GK: variants seen among roughly 807,000 people sequenced by gnomAD.
The protein encoded by GK is glycerol kinase, also known as ATP:glycerol 3-phosphotransferase.
GK carries 9 observed loss-of-function variants against 56.4 expected under a neutral mutation model. That is an observed-to-expected ratio of 0.16 (90% CI 0.10 to 0.28). The LOEUF is 0.28. GK is among the 10% of genes least tolerant of loss of function. The probability of loss-of-function intolerance (pLI) is 1.00; values close to 1 mark genes in which losing one functional copy is unlikely to be tolerated. For synonymous variants in GK, 104 were observed against 144.1 expected, an observed-to-expected ratio of 0.72 and a Z score of 1.99; for missense variants, 161 against 431.4, an observed-to-expected ratio of 0.37 and a Z score of 5.55.
At chrX:30,703,161 C>T (rs868126570) in intron 11 of GK, among the ~76,000 whole-genome samples, 2 of 111,782 alleles carry the variant, frequency 1.8e-5, no homozygotes, top group African/African-American at 6.5e-5. Flanking sequence ...AACAAAGATA[C>T]GTATGGGGAA....
chrX:30,684,758 A>G (rs1317298677), intron 4 of GK, among the ~76,000 whole-genome samples: 1 of 110,609 alleles, frequency 9.0e-6, no homozygotes, highest in African/African-American at 3.3e-5. Flanking sequence ...TTAGGATATT[A>G]AAGAAAACCA....
chrX:30,701,606 T>C lies in GK; in HGVS notation c.851+701T>C, dbSNP rs181967450. Reference sequence around the variant, plus strand: ...GTCTTTCTCACTAACTGTAAAGTTATATTTTTGTGGGATTTTCAAGGTTAT... The same window carrying C: ...GTCTTTCTCACTAACTGTAAAGTTACATTTTTGTGGGATTTTCAAGGTTAT... On this transcript the variant is annotated intron_variant, in intron 11 of 20. Transcript: ENST00000427190. Among the ~76,000 whole-genome samples, 486 of 112,222 alleles carry C rather than the reference T, an allele frequency of 4.3e-3. 6 individuals are homozygous for C. The highest frequency in any genetic ancestry group is 0.015 in the African/African-American group (454 of 30,935).
chrX:30,671,402 T>A (rs1226714041), intron 3 of GK, among the ~76,000 whole-genome samples: 2 of 111,246 alleles, frequency 1.8e-5, no homozygotes, highest in African/African-American at 6.6e-5. Flanking sequence ...GTTATGTAGC[T>A]TTTTAGTGGT....
At position 30,709,663 on chromosome X, in the gene GK, A is replaced by G. The variant is rs1046493006; in HGVS notation, c.975+1529A>G. Among the ~76,000 whole-genome samples, 9 of 111,384 alleles carry G rather than the reference A, an allele frequency of 8.1e-5. No individual in the cohort carries two copies. In the South Asian group the frequency reaches 3.4e-3, roughly 42 times the overall value. On this transcript the variant is annotated intron_variant, in intron 13 of 20. Coordinates refer to ENST00000427190, the MANE Select transcript of GK (RefSeq NM_001205019.2). Reference sequence around the variant, plus strand: ...GGATGATTTGTGCCTCTCCTACCATAAGCACTACTTTTGCTCCTCTAGCCT... The same window carrying G: ...GGATGATTTGTGCCTCTCCTACCATGAGCACTACTTTTGCTCCTCTAGCCT...
At chrX:30,679,864 G>A (rs919624449) in intron 4 of GK, among the ~76,000 whole-genome samples, 5 of 111,030 alleles carry the variant, frequency 4.5e-5, no homozygotes, top group African/African-American at 9.9e-5. Flanking sequence ...ATCTAGTTTT[G>A]GAAAGAGAAA....
intron 19 of GK, among the ~76,000 whole-genome samples, chrX:30,725,857 C>G (rs2147272974): frequency 9.1e-6 from 1 of 109,843 alleles, no homozygotes; most frequent in Admixed American, 9.7e-5. Flanking sequence ...GTTTCACCAT[C>G]TTGGCCAGGC....
At chrX:30,689,377 T>A (rs1348565733) in intron 4 of GK, 1 of 283,711 alleles carries the variant, frequency 3.5e-6, no homozygotes, top group Non-Finnish European at 6.9e-6. Flanking sequence ...ATGTCACTAA[T>A]GGCTTGTATC....
chrX:30,671,759 T>A (rs1269012482), intron 3 of GK: 1 of 112,207 alleles, frequency 8.9e-6, no homozygotes, highest in Non-Finnish European at 1.9e-5. Flanking sequence ...AGACTGCTTC[T>A]TTCCTTCTAG....
intron 5 of GK, among the ~76,000 whole-genome samples, chrX:30,694,134 T>G (rs1015422065): frequency 8.9e-6 from 1 of 111,933 alleles, no homozygotes; most frequent in African/African-American, 3.3e-5. Flanking sequence ...ATTGTCACTA[T>G]CTAATTACAG....
chrX:30,723,785 C>T, intron 18 of GK: 1 of 280,118 alleles, frequency 3.6e-6, no homozygotes, highest in Admixed American at 5.0e-5. Context: ...TACCACATTG[C>T]TCAAGCTGGT....
intron 4 of GK, among the ~76,000 whole-genome samples, chrX:30,679,111 TC>T (rs1395921711): frequency 9.0e-6 from 1 of 110,945 alleles, no homozygotes; most frequent in African/African-American, 3.3e-5. Context: ...CTTTGATAGA[TC>T]AATGTTAGCT....
intron 4 of GK, among the ~76,000 whole-genome samples, chrX:30,682,542 T>G (rs190127488): frequency 1.3e-4 from 15 of 112,160 alleles, no homozygotes; most frequent in Non-Finnish European, 2.6e-4. Context: ...AACTCTAAAG[T>G]GTCATATCTC....
intron 18 of GK, chrX:30,721,920 G>A (rs1234032451): frequency 8.9e-6 from 1 of 112,318 alleles, no homozygotes; most frequent in East Asian, 2.8e-4. Flanking sequence ...ATTAGAATTG[G>A]TTTTATAACT....
intron 20 of GK, among the ~76,000 whole-genome samples, chrX:30,728,331 G>C (rs1265546118): frequency 1.9e-5 from 1 of 51,453 alleles, no homozygotes; most frequent in Non-Finnish European, 4.2e-5. Flanking sequence ...CCATGAAAGT[G>C]AAACTTAAAA....
In GK at chrX:30,694,090, A is replaced by G. The variant is rs1329188941; in HGVS notation, c.415-310A>G. Among the ~76,000 whole-genome samples, 4 of 111,838 alleles carry G rather than the reference A, an allele frequency of 3.6e-5. No individual in the cohort carries two copies. The East Asian group carries it at 1.1e-3, about 31-fold the overall frequency. On this transcript the variant is annotated intron_variant, in intron 5 of 20. Coordinates refer to ENST00000427190, the MANE Select transcript of GK (RefSeq NM_001205019.2). ...CATAGTTTTGGGCTAGGTTCTACAT[A>G]CAATACTAATTTATTGCAAAAATCA...
At chrX:30,694,010 ACT>A (rs1409594757) in intron 5 of GK, among the ~76,000 whole-genome samples, 5 of 111,446 alleles carry the variant, frequency 4.5e-5, no homozygotes, top group Non-Finnish European at 7.5e-5. Flanking sequence ...GATTTGGTAT[ACT>A]CTCTGGTTTT....
intron 13 of GK, among the ~76,000 whole-genome samples, chrX:30,715,160 C>T (rs1287615243): frequency 8.9e-6 from 1 of 111,886 alleles, no homozygotes; most frequent in East Asian, 2.8e-4. Flanking sequence ...CAATTTTCAC[C>T]CTAATTGCCT....
intron 4 of GK, among the ~76,000 whole-genome samples, chrX:30,680,899 A>G (rs1934245450): frequency 9.0e-6 from 1 of 111,429 alleles, no homozygotes; most frequent in African/African-American, 3.3e-5. Flanking sequence ...AAATAAACCA[A>G]CCCTCACAGG....
intron 3 of GK, among the ~76,000 whole-genome samples, chrX:30,675,851 G>A (rs1178484616): frequency 1.8e-5 from 2 of 109,647 alleles, no homozygotes; most frequent in Non-Finnish European, 3.8e-5. Context: ...GGGCAATGGC[G>A]CAATCTCGGC....
Sources: allele counts gnomAD v4.1 joint callset (sites outside exome capture counted in the v4.1 genomes callset), GRCh38; gene constraint gnomAD v4.1.1; transcripts MANE v1.5; gene names NCBI Gene and HGNC (gene_info 2026-07-23, HGNC 2026-07-21).